SEMA3D: variants seen among roughly 807,000 people sequenced by gnomAD.
SEMA3D encodes semaphorin-3D.
Under a neutral mutation model 100.1 loss-of-function variants are expected in SEMA3D, and 84 were observed. The observed-to-expected ratio is 0.84, with a 90% CI of 0.70 to 1.01. SEMA3D has a LOEUF of 1.01. Among genes scored for constraint, SEMA3D ranks in the 50% least tolerant of loss-of-function variants. SEMA3D has a pLI of 0.00. For missense variants in SEMA3D, 875 were observed against 934.1 expected (o/e 0.94, Z 0.82); for synonymous variants, 312 against 320.7 (o/e 0.97, Z 0.29).
intron 18 of SEMA3D, among the ~76,000 whole-genome samples, chr7:85,003,359 C>T (rs1789705941): frequency 1.3e-5 from 2 of 151,894 alleles, no homozygotes; most frequent in African/African-American, 4.8e-5. Flanking sequence ...ATCAAATATA[C>T]ACATACCTAA....
chr7:85,228,375 T>A, the SEMA3D span, among the ~76,000 whole-genome samples: 1 of 152,170 alleles, frequency 6.6e-6, no homozygotes, highest in African/African-American at 2.4e-5. Context: ...TTTCATTTTT[T>A]AAAAAATATT....
the SEMA3D span, among the ~76,000 whole-genome samples, chr7:85,192,452 G>T: frequency 2.5e-4 from 38 of 152,110 alleles, no homozygotes; most frequent in Non-Finnish European, 4.9e-4. Context: ...TAATTCCTTT[G>T]TTCATTAAGT....
intron 3 of SEMA3D, among the ~76,000 whole-genome samples, chr7:85,119,553 AC>A (rs372807941): frequency 2.0e-5 from 3 of 152,240 alleles, no homozygotes; most frequent in African/African-American, 7.2e-5. Flanking sequence ...GTGGGAACTA[AC>A]CAATGACAAC....
chr7:85,144,159 A>G (rs1790134489), intron 2 of SEMA3D, among the ~76,000 whole-genome samples: 1 of 152,136 alleles, frequency 6.6e-6, no homozygotes, highest in African/African-American at 2.4e-5. Context: ...TTTTCATGCT[A>G]AGTCTTCAGA....
intron 12 of SEMA3D, chr7:85,029,451 G>A (rs1004389547): frequency 5.4e-6 from 4 of 745,984 alleles, no homozygotes; most frequent in Non-Finnish European, 9.9e-6. Context: ...TTAACAATGA[G>A]CACAAACAGA....
intron 3 of SEMA3D, among the ~76,000 whole-genome samples, chr7:85,106,331 T>C (rs1352407135): frequency 6.6e-6 from 1 of 152,044 alleles, no homozygotes; most frequent in East Asian, 1.9e-4. Context: ...ATCAAGTATA[T>C]AAATTTAATG....
the SEMA3D span, among the ~76,000 whole-genome samples, chr7:85,250,058 A>T: frequency 0.04 from 6,142 of 152,224 alleles, 178 homozygotes; most frequent in Non-Finnish European, 0.06. Context: ...TCACTTGGGA[A>T]GCACAAGGGG....
chr7:85,085,160 G>C (rs1438645585), intron 4 of SEMA3D, among the ~76,000 whole-genome samples: 1 of 151,924 alleles, frequency 6.6e-6, no homozygotes, highest in Non-Finnish European at 1.5e-5. Context: ...TGATAATCAG[G>C]TTTAATCACA....
At chr7:85,016,976 TA>T (rs1388866209) in intron 15 of SEMA3D, among the ~76,000 whole-genome samples, 1 of 151,666 alleles carries the variant, frequency 6.6e-6, no homozygotes, top group Non-Finnish European at 1.5e-5. Flanking sequence ...TATATAAAGA[TA>T]TATAAAGTTG....
At chr7:85,029,029 G>T in intron 12 of SEMA3D, 1 of 432,458 alleles carries the variant, frequency 2.3e-6, no homozygotes, top group Non-Finnish European at 4.5e-6. Context: ...TCTTTCCCTT[G>T]ATATTAAAAC....
At chr7:85,143,369 T>C (rs1583963275) in intron 2 of SEMA3D, 1 of 235,124 alleles carries the variant, frequency 4.3e-6, no homozygotes, top group East Asian at 1.8e-4. Flanking sequence ...TTCATCATTG[T>C]TCGAACATCA....
intron 1 of SEMA3D, among the ~76,000 whole-genome samples, chr7:85,165,002 C>A (rs200612915): frequency 6.1e-5 from 9 of 148,550 alleles, no homozygotes; most frequent in African/African-American, 1.5e-4. Flanking sequence ...CCCTTCCCCC[C>A]ACCCCACAAC....
At chr7:85,114,556 A>T (rs1789182938) in intron 3 of SEMA3D, among the ~76,000 whole-genome samples, 1 of 152,152 alleles carries the variant, frequency 6.6e-6, no homozygotes, top group Non-Finnish European at 1.5e-5. Flanking sequence ...GTAGGGAAGT[A>T]TGGGTGTGTG....
chr7:85,077,115 A>AC (rs1361439907), intron 5 of SEMA3D, among the ~76,000 whole-genome samples: 1 of 151,390 alleles, frequency 6.6e-6, no homozygotes, highest in African/African-American at 2.4e-5. Flanking sequence ...AAAAAAAAAA[A>AC]AAAAAAACTT....
At chr7:85,235,334 AT>A in the SEMA3D span, among the ~76,000 whole-genome samples, 1 of 152,152 alleles carries the variant, frequency 6.6e-6, no homozygotes, top group Non-Finnish European at 1.5e-5. Context: ...TGTCGGGGGT[AT>A]TTATAAGGCA....
intron 9 of SEMA3D, among the ~76,000 whole-genome samples, chr7:85,053,523 T>C (rs958029343): frequency 6.6e-6 from 1 of 152,034 alleles, no homozygotes; most frequent in Non-Finnish European, 1.5e-5. Context: ...TATTGTTTTG[T>C]AGGCCATCTT....
chr7:85,076,654 G>C (rs1208380070), intron 5 of SEMA3D, among the ~76,000 whole-genome samples: 2 of 152,040 alleles, frequency 1.3e-5, no homozygotes, highest in Non-Finnish European at 2.9e-5. Context: ...ATCTTAACTG[G>C]TTTTATTTTT....
intron 18 of SEMA3D, among the ~76,000 whole-genome samples, chr7:85,006,558 GA>G (rs1010049000): frequency 9.4e-4 from 142 of 151,340 alleles, no homozygotes; most frequent in African/African-American, 3.2e-3. Flanking sequence ...ATGGAATTTG[GA>G]AAAAAAATGT....
At chr7:85,014,795 A>C (rs571599052) in intron 16 of SEMA3D, among the ~76,000 whole-genome samples, 211 of 151,936 alleles carry the variant, frequency 1.4e-3, no homozygotes, top group Non-Finnish European at 2.8e-3. Context: ...ATAGTGCTTG[A>C]CATAAATGAA....
Sources: allele counts gnomAD v4.1 joint callset (sites outside exome capture counted in the v4.1 genomes callset), GRCh38; gene constraint gnomAD v4.1.1; transcripts MANE v1.5; gene names NCBI Gene and HGNC (gene_info 2026-07-23, HGNC 2026-07-21).